Variants in CFI observed in about 807,000 individuals in gnomAD.
The protein encoded by CFI is C3B/C4B inactivator.
In CFI, 66 loss-of-function variants were observed where a neutral mutation model predicts 78.8. That is an observed-to-expected ratio of 0.84 (90% CI 0.69 to 1.03). The LOEUF is 1.03. Among genes scored for constraint, CFI ranks in the 50% least tolerant of loss-of-function variants. The pLI is 0.00. For synonymous variants in CFI, 250 were observed against 232.6 expected (o/e 1.07, Z -0.68); for missense variants, 706 against 704.5 (o/e 1.00, Z -0.02).
intron 11 of CFI, among the ~76,000 whole-genome samples, chr4:109,743,138 T>C (rs932459107): frequency 6.6e-6 from 1 of 152,208 alleles, no homozygotes; most frequent in Middle Eastern, 3.2e-3. Flanking sequence ...CCTCAAGTGA[T>C]CTGCCCCACT....
At chr4:109,788,759 A>T (rs1731038749) in intron 1 of CFI, among the ~76,000 whole-genome samples, 1 of 152,092 alleles carries the variant, frequency 6.6e-6, no homozygotes, top group Non-Finnish European at 1.5e-5. Flanking sequence ...ATATATAATC[A>T]AATCTGTAAA....
rs1447239258 is a variant in CFI, at chr4:109,749,435, C to T, written c.1044+64G>A. 7 of 1,486,056 alleles carry T rather than the reference C, an allele frequency of 4.7e-6. No homozygotes were observed. In the South Asian group the frequency reaches 5.7e-5, roughly 12 times the overall value. The allele number at this position is 1,486,056 out of a possible 1,614,324, so 92.1% of individuals were successfully genotyped here. Reference sequence around the variant, plus strand: ...TCTTATAATTACATCATCCTCCTGCCCCTTTCCCCCCAAATTTAGGCTGTT... The same window carrying T: ...TCTTATAATTACATCATCCTCCTGCTCCTTTCCCCCCAAATTTAGGCTGTT... On this transcript the variant is annotated intron_variant, in intron 9 of 12. Transcript: ENST00000394634.
intron 6 of CFI, chr4:109,760,007 G>C: frequency 1.7e-6 from 1 of 599,946 alleles, no homozygotes; most frequent in Non-Finnish European, 3.0e-6. Context: ...TGGAAAATGG[G>C]TACTTAAGGA....
At chr4:109,799,973 T>A (rs950585426) in intron 1 of CFI, among the ~76,000 whole-genome samples, 2 of 152,234 alleles carry the variant, frequency 1.3e-5, no homozygotes, top group Non-Finnish European at 2.9e-5. Flanking sequence ...TTAGGTGCTA[T>A]AAACCTTTGA....
intron 1 of CFI, among the ~76,000 whole-genome samples, chr4:109,771,259 A>T (rs778971968): frequency 6.6e-5 from 10 of 152,038 alleles, no homozygotes; most frequent in African/African-American, 2.4e-4. Flanking sequence ...AATAAATAAA[A>T]AAAATTAGCC....
chr4:109,784,901 C>A (rs1579294840), intron 1 of CFI, among the ~76,000 whole-genome samples: 1 of 152,090 alleles, frequency 6.6e-6, no homozygotes, highest in East Asian at 1.9e-4. Flanking sequence ...CTGAAAGAAC[C>A]ACAAAAGATG....
chr4:109,762,149 C>T (rs1215790416), intron 3 of CFI: 2 of 155,964 alleles, frequency 1.3e-5, no homozygotes, highest in Non-Finnish European at 2.7e-5. Flanking sequence ...TGAGATCGTG[C>T]CACTGCACTC....
the CFI span, among the ~76,000 whole-genome samples, chr4:109,734,968 T>G: frequency 2.6e-5 from 4 of 152,328 alleles, no homozygotes; most frequent in Admixed American, 2.6e-4. Flanking sequence ...TTTCTTTTCT[T>G]TTTTCAGAGA....
chr4:109,768,519 G>T lies in CFI; in HGVS notation c.58-1695C>A, dbSNP rs796506030. 2.6e-5 allele frequency among the ~76,000 whole-genome samples: 4 copies of T among 152,230 alleles called. No homozygotes were observed. The South Asian group carries it at 6.2e-4, about 24-fold the overall frequency. On this transcript the variant is annotated intron_variant, in intron 1 of 12. Transcript: ENST00000394634. ...AATACTATGTTTGTAATGGTTGACA[G>T]GTACTAGGCATAAAATTAATGAGAG...
chr4:109,760,242 A>G (rs764731448), intron 6 of CFI, 28 bp downstream of exon 6: 8 of 1,537,746 alleles, frequency 5.2e-6, no homozygotes, highest in Non-Finnish European at 7.2e-6. Flanking sequence ...CAATAATGAA[A>G]AAAAGTCACC....
At chr4:109,768,062 C>T (rs1728010390) in intron 1 of CFI, among the ~76,000 whole-genome samples, 1 of 139,060 alleles carries the variant, frequency 7.2e-6, no homozygotes, top group South Asian at 2.2e-4. Flanking sequence ...TCGTCTCACT[C>T]ATAGGTGGGA....
chr4:109,734,922 G>A, the CFI span, among the ~76,000 whole-genome samples: 1 of 152,106 alleles, frequency 6.6e-6, no homozygotes, highest in African/African-American at 2.4e-5. Context: ...AAATACCTTG[G>A]AATGGGAGAT....
chr4:109,735,127 A>C, the CFI span, among the ~76,000 whole-genome samples: 3 of 151,980 alleles, frequency 2.0e-5, no homozygotes, highest in Non-Finnish European at 4.4e-5. Context: ...AATTTTTGTT[A>C]TTGTTATTAT....
intron 7 of CFI, 32 bp from the exon 8 acceptor site, chr4:109,752,535 A>C: frequency 1.3e-6 from 2 of 1,574,686 alleles, no homozygotes; most frequent in African/African-American, 1.3e-5. Context: ...CAATGTTTAA[A>C]GTTGTTAATT....
chr4:109,764,718 A>T, intron 2 of CFI, 28 bp from the exon 3 acceptor site: 2 of 1,600,102 alleles, frequency 1.2e-6, no homozygotes, highest in Non-Finnish European at 1.7e-6. Context: ...AATAATGTGC[A>T]ATATGTAGCC....
chr4:109,791,497 C>T (rs1029857847), intron 1 of CFI, among the ~76,000 whole-genome samples: 3 of 151,980 alleles, frequency 2.0e-5, no homozygotes, highest in Non-Finnish European at 4.4e-5. Flanking sequence ...TTGGTGTCTT[C>T]GTCATGAAAT....
At chr4:109,759,516 A>G (rs1385152846) in intron 6 of CFI, among the ~76,000 whole-genome samples, 1 of 152,168 alleles carries the variant, frequency 6.6e-6, no homozygotes, top group Non-Finnish European at 1.5e-5. Context: ...TAGATATACA[A>G]ATGAGAGAAT....
At chr4:109,760,681 T>C in intron 4 of CFI, 45 bp from the exon 5 acceptor site, 1 of 1,078,410 alleles carries the variant, frequency 9.3e-7, no homozygotes, top group South Asian at 1.2e-5. Context: ...TATGGAGTGG[T>C]GGCATGACAT....
At position 109,746,067 on chromosome 4, in the gene CFI, C is replaced by T. The variant is rs528880121; in HGVS notation, c.1429+155G>A. 7.9e-5 allele frequency among the ~76,000 whole-genome samples: 12 copies of T among 152,304 alleles called. No individual in the cohort carries two copies. The East Asian group carries it at 2.3e-3, about 29-fold the overall frequency. ...ATGGGGTGCTGGGCAGCTGCACATG[C>T]TGCAAACCCATGAAGCCAGCCATGG... On this transcript the variant is annotated intron_variant, in intron 11 of 12. Transcript: ENST00000394634.
Sources: allele counts gnomAD v4.1 joint callset (sites outside exome capture counted in the v4.1 genomes callset), GRCh38; gene constraint gnomAD v4.1.1; transcripts MANE v1.5; gene names NCBI Gene and HGNC (gene_info 2026-07-23, HGNC 2026-07-21).